Variants in PIP4P2 observed in about 807,000 individuals in gnomAD.
PIP4P2 encodes the protein type 2 phosphatidylinositol 4,5-bisphosphate 4-phosphatase.
A neutral mutation model predicts 33.3 loss-of-function variants in PIP4P2; 19 were observed. The ratio of observed to expected loss-of-function variants is 0.57; its 90% CI spans 0.40 to 0.84. The LOEUF (loss-of-function observed/expected upper bound fraction) is 0.84. Among genes scored for constraint, PIP4P2 ranks in the 40% least tolerant of loss-of-function variants. The pLI, the probability that PIP4P2 is intolerant of heterozygous loss-of-function variation, is 0.00. For missense variants in PIP4P2, 270 were observed against 324.7 expected, an observed-to-expected ratio of 0.83 and a Z score of 1.29; for synonymous variants, 110 against 111.9, an observed-to-expected ratio of 0.98 and a Z score of 0.11.
intron 5 of PIP4P2, among the ~76,000 whole-genome samples, chr8:91,004,882 T>A (rs144008342): frequency 6.6e-6 from 1 of 152,296 alleles, no homozygotes; most frequent in East Asian, 1.9e-4. Flanking sequence ...GGAGGAATAG[T>A]AGATATCTGG....
intron 1 of PIP4P2, among the ~76,000 whole-genome samples, chr8:91,027,663 T>C (rs1812101218): frequency 6.6e-6 from 1 of 152,058 alleles, no homozygotes; most frequent in African/African-American, 2.4e-5. Context: ...CGAGATTTTC[T>C]GGATTCAATC....
chr8:91,025,682 GAT>G (rs1812073540), intron 1 of PIP4P2, among the ~76,000 whole-genome samples: 1 of 152,144 alleles, frequency 6.6e-6, no homozygotes, highest in African/African-American at 2.4e-5. Flanking sequence ...TAAAATGAGA[GAT>G]ATTTTACGAT....
intron 1 of PIP4P2, among the ~76,000 whole-genome samples, chr8:91,023,148 C>T (rs1234348294): frequency 1.3e-5 from 2 of 151,354 alleles, no homozygotes; most frequent in African/African-American, 4.8e-5. Context: ...GAATATGTAC[C>T]TCACTAGAAA....
chr8:91,002,406 T>A (rs1233507978), intron 5 of PIP4P2, among the ~76,000 whole-genome samples: 1 of 152,176 alleles, frequency 6.6e-6, no homozygotes, highest in East Asian at 1.9e-4. Context: ...AAATTATTAA[T>A]CTTTCGCTTC....
chr8:91,031,028 C>A (rs1023907716), intron 1 of PIP4P2, among the ~76,000 whole-genome samples: 5 of 152,134 alleles, frequency 3.3e-5, no homozygotes, highest in Non-Finnish European at 7.3e-5. Context: ...TTATATTTGA[C>A]TTTTGAAGCT....
chr8:91,025,878 T>C (rs1455049542), intron 1 of PIP4P2, among the ~76,000 whole-genome samples: 3 of 152,148 alleles, frequency 2.0e-5, no homozygotes, highest in Non-Finnish European at 4.4e-5. Flanking sequence ...TCCAGTTCAG[T>C]TCAATACAGA....
At chr8:91,007,160 G>A (rs1006135525) in intron 5 of PIP4P2, among the ~76,000 whole-genome samples, 8 of 152,042 alleles carry the variant, frequency 5.3e-5, no homozygotes, top group Non-Finnish European at 8.8e-5. Context: ...CCTCAAGTAC[G>A]TATATATTAT....
intron 1 of PIP4P2, among the ~76,000 whole-genome samples, chr8:91,022,579 A>G (rs1205574070): frequency 6.6e-6 from 1 of 152,126 alleles, no homozygotes; most frequent in African/African-American, 2.4e-5. Flanking sequence ...GTATCTCAAG[A>G]GGCTTCTGTA....
chr8:91,020,454 G>T (rs1488137816), intron 2 of PIP4P2, among the ~76,000 whole-genome samples, 191 bp from the exon 3 acceptor site: 1 of 151,908 alleles, frequency 6.6e-6, no homozygotes, highest in Non-Finnish European at 1.5e-5. Flanking sequence ...GGTCCTTCAA[G>T]ACACAATAAT....
At chr8:91,037,161 G>A (rs1219231993) in intron 1 of PIP4P2, among the ~76,000 whole-genome samples, 2 of 152,170 alleles carry the variant, frequency 1.3e-5, no homozygotes, top group Non-Finnish European at 2.9e-5. Flanking sequence ...GATTCAAGGG[G>A]AGGAAACTGA....
chr8:91,035,499 T>G (rs1374042844), intron 1 of PIP4P2, among the ~76,000 whole-genome samples: 1 of 152,202 alleles, frequency 6.6e-6, no homozygotes, highest in Admixed American at 6.5e-5. Context: ...TTGAAGTATT[T>G]TCTTGCTCTT....
chr8:91,014,066 T>C (rs1811875860), intron 4 of PIP4P2, among the ~76,000 whole-genome samples: 1 of 152,134 alleles, frequency 6.6e-6, no homozygotes, highest in South Asian at 2.1e-4. Context: ...AATTTTGAAA[T>C]GTATAATACC....
At chr8:91,025,375 T>C (rs1454391798) in intron 1 of PIP4P2, among the ~76,000 whole-genome samples, 1 of 152,130 alleles carries the variant, frequency 6.6e-6, no homozygotes, top group Non-Finnish European at 1.5e-5. Context: ...AGATTACATT[T>C]CTCATCACAT....
chr8:91,015,732 C>CT (rs879635995), intron 4 of PIP4P2, among the ~76,000 whole-genome samples: 2 of 152,158 alleles, frequency 1.3e-5, no homozygotes, highest in Non-Finnish European at 2.9e-5. Context: ...ATGCATCGAC[C>CT]TTACTGCTGT....
intron 5 of PIP4P2, among the ~76,000 whole-genome samples, chr8:91,005,545 C>A (rs1289899831): frequency 1.3e-5 from 2 of 152,204 alleles, no homozygotes; most frequent in Non-Finnish European, 2.9e-5. Context: ...ATTCTCCCCA[C>A]TATGCCCACA....
chr8:91,000,760 G>T (rs1171981343), intron 5 of PIP4P2, among the ~76,000 whole-genome samples: 1 of 151,398 alleles, frequency 6.6e-6, no homozygotes, highest in Non-Finnish European at 1.5e-5. Context: ...TGTTCTTTTT[G>T]AATATAAAAA....
In PIP4P2 at chr8:91,028,894, A is replaced by G. The variant is rs367857838; in HGVS notation, c.107-7490T>C. On this transcript the variant is annotated intron_variant, in intron 1 of 6. Coordinates refer to ENST00000285419, the MANE Select transcript of PIP4P2 (RefSeq NM_018710.3). ...AGAAAGTCAAGAGTCTTTAGAATCA[A>G]TATTTATTTTTTTAGGTAGGTGTTG... Among the ~76,000 whole-genome samples the G allele has an allele frequency of 1.1e-4, 17 of 152,356 alleles. No homozygotes were observed. The East Asian group carries it at 2.9e-3, about 26-fold the overall frequency.
At chr8:90,995,927 A>G in intron 6 of PIP4P2, 107 bp from the exon 7 acceptor site, 1 of 1,240,154 alleles carries the variant, frequency 8.1e-7, no homozygotes, top group African/African-American at 1.5e-5. Context: ...ATACCCCCAG[A>G]CCGAATACAC....
At chr8:91,026,867 C>T (rs1812089503) in intron 1 of PIP4P2, among the ~76,000 whole-genome samples, 1 of 151,972 alleles carries the variant, frequency 6.6e-6, no homozygotes, top group Non-Finnish European at 1.5e-5. Context: ...TCAGATTATC[C>T]CCAGTAGTTG....
Sources: allele counts gnomAD v4.1 joint callset (sites outside exome capture counted in the v4.1 genomes callset), GRCh38; gene constraint gnomAD v4.1.1; transcripts MANE v1.5; gene names NCBI Gene and HGNC (gene_info 2026-07-23, HGNC 2026-07-21).